TIMP3: variants seen among roughly 807,000 people sequenced by gnomAD.
TIMP3 encodes TIMP metallopeptidase inhibitor 3.
A neutral mutation model predicts 30.0 loss-of-function variants in TIMP3; 11 were observed. The observed-to-expected ratio is 0.37, with a 90% confidence interval of 0.23 to 0.61. The LOEUF (loss-of-function observed/expected upper bound fraction) is 0.61. Among genes scored for constraint, TIMP3 ranks in the 20% least tolerant of loss-of-function variants. TIMP3 has a pLI of 0.70. For synonymous variants in TIMP3, 112 were observed against 111.3 expected, an observed-to-expected ratio of 1.01 and a Z score of -0.04; for missense variants, 181 against 276.8, an observed-to-expected ratio of 0.65 and a Z score of 2.45.
intron 1 of TIMP3, among the ~76,000 whole-genome samples, chr22:32,817,061 T>TA (rs1569247404): frequency 5.3e-4 from 15 of 28,228 alleles, no homozygotes; most frequent in African/African-American, 1.4e-3. Context: ...CTCTACTAAT[T>TA]TAAAAAAAAA....
chr22:32,830,034 C>T (rs920439705), intron 1 of TIMP3, among the ~76,000 whole-genome samples: 11 of 152,206 alleles, frequency 7.2e-5, no homozygotes, highest in African/African-American at 1.9e-4. Context: ...TGACCTGAAA[C>T]TGAAATGCTC....
At chr22:32,808,972 G>A (rs1055288072) in intron 1 of TIMP3, among the ~76,000 whole-genome samples, 4 of 152,192 alleles carry the variant, frequency 2.6e-5, no homozygotes, top group Non-Finnish European at 5.9e-5. Flanking sequence ...GTCTAGTCCT[G>A]TCTTCTGGTG....
chr22:32,823,609 C>G (rs144953569), intron 1 of TIMP3, among the ~76,000 whole-genome samples: 135 of 152,266 alleles, frequency 8.9e-4, no homozygotes, highest in African/African-American at 3.1e-3. Context: ...GAAGCATTGC[C>G]AAGAGCAACT....
chr22:32,806,284 TA>T (rs1201206610), intron 1 of TIMP3, among the ~76,000 whole-genome samples: 4 of 152,158 alleles, frequency 2.6e-5, no homozygotes, highest in African/African-American at 9.7e-5. Context: ...TAGATAAGGC[TA>T]GAAAAGTGGC....
rs112472264 is a variant in TIMP3, at chr22:32,833,024, C to T, written c.122-16428C>T. On this transcript the variant is annotated intron_variant, in intron 1 of 4. Coordinates refer to ENST00000266085, the MANE Select transcript of TIMP3 (RefSeq NM_000362.5). ...CTGGGATTACAGGCGTGAGCCACCG[C>T]GCCCAGCAAGATCTACCTTCTTAAC... Among the ~76,000 whole-genome samples, 541 of 152,294 alleles carry T rather than the reference C, an allele frequency of 3.6e-3. 2 individuals are homozygous for T. Among genetic ancestry groups the T allele is most frequent in the African/African-American group, 0.012 (499 of 41,556 alleles).
Position 32,820,279 on chromosome 22 carries a change from TGTGTGTGTG to T in TIMP3, c.121+18175_121+18183del, listed in dbSNP as rs1231256527. Among the ~76,000 whole-genome samples the T allele has an allele frequency of 4.2e-4, 63 of 151,126 alleles. 1 individual carries two copies. Among genetic ancestry groups the T allele is most frequent in the South Asian group, 3.0e-3 (14 of 4,730 alleles). On this transcript the variant is annotated intron_variant, in intron 1 of 4. Coordinates refer to ENST00000266085, the MANE Select transcript of TIMP3 (RefSeq NM_000362.5). ...GTGTGTGTGCGTGCGCGTGTGTGTG[TGTGTGTGTG>T]GTGTGTGTGGTGTGTGTTCTACTCC...
At chr22:32,826,497 G>T (rs2146097936) in intron 1 of TIMP3, among the ~76,000 whole-genome samples, 1 of 152,234 alleles carries the variant, frequency 6.6e-6, no homozygotes, top group Admixed American at 6.5e-5. Flanking sequence ...AGAGCATGGA[G>T]AAAGTAGAAA....
chr22:32,802,703 G>A (rs2046623120), intron 1 of TIMP3, among the ~76,000 whole-genome samples: 1 of 152,160 alleles, frequency 6.6e-6, no homozygotes, highest in African/African-American at 2.4e-5. Flanking sequence ...ATTTAAGGGG[G>A]AAAATGAGGA....
At chr22:32,841,723 C>G (rs992312038) in intron 1 of TIMP3, among the ~76,000 whole-genome samples, 6 of 151,914 alleles carry the variant, frequency 3.9e-5, no homozygotes, top group Admixed American at 3.9e-4. Flanking sequence ...GGAAAAATAG[C>G]TAATGCACAC....
At chr22:32,828,646 C>G (rs563038652) in intron 1 of TIMP3, among the ~76,000 whole-genome samples, 1 of 152,312 alleles carries the variant, frequency 6.6e-6, no homozygotes, top group South Asian at 2.1e-4. Flanking sequence ...CTGATGCTAC[C>G]TCATGAGTTA....
intron 1 of TIMP3, among the ~76,000 whole-genome samples, chr22:32,817,692 T>C (rs139369735): frequency 9.8e-5 from 15 of 152,366 alleles, no homozygotes; most frequent in African/African-American, 3.6e-4. Flanking sequence ...TAATCTTGCT[T>C]GGCTCAGTTC....
Position 32,807,370 on chromosome 22 carries a change from TTA to T in TIMP3, c.121+5255_121+5256del, listed in dbSNP as rs1457828240. ...ATAAATATATAATATATAATATATA[TTA>T]TATATAATATATATTATATATAATA... On this transcript the variant is annotated intron_variant, in intron 1 of 4. Coordinates refer to ENST00000266085, the MANE Select transcript of TIMP3 (RefSeq NM_000362.5). Among the ~76,000 whole-genome samples the T allele has an allele frequency of 2.6e-5, 3 of 114,694 alleles. No individual in the cohort carries two copies. The East Asian group carries it at 6.5e-4, about 25-fold the overall frequency. The allele number at this position is 114,694 out of a possible 152,430, so 75.2% of individuals were successfully genotyped here. A position where few individuals can be genotyped will look rare whatever the true frequency, so the allele number is the denominator to read the frequency against.
At chr22:32,845,880 G>A (rs918948039) in intron 1 of TIMP3, among the ~76,000 whole-genome samples, 3 of 152,144 alleles carry the variant, frequency 2.0e-5, no homozygotes, top group Admixed American at 6.5e-5. Flanking sequence ...CGAATGCCTC[G>A]GGAGAACCCT....
At position 32,858,296 on chromosome 22, in the gene TIMP3, T is replaced by A. The variant is rs137485; in HGVS notation, c.438+158T>A. Among the ~76,000 whole-genome samples, 117,287 of 152,076 alleles carry A rather than the reference T, an allele frequency of 0.77. 45,720 individuals carry two copies. The highest frequency in any genetic ancestry group is 0.88 in the African/African-American group (36,345 of 41,526). ...CAGGTCTGAGCAGATATAGTAAGGA[T>A]TGTTGCCCCAGGTGGGGCAGTGAGG... is the stretch of plus-strand genomic sequence containing the variant. On this transcript the variant is annotated intron_variant, in intron 4 of 4. Transcript: ENST00000266085.
intron 1 of TIMP3, among the ~76,000 whole-genome samples, chr22:32,804,526 T>A (rs963041494): frequency 6.6e-6 from 1 of 152,156 alleles, no homozygotes; most frequent in Non-Finnish European, 1.5e-5. Flanking sequence ...ATCATGGTGG[T>A]TTTCTCTTCA....
chr22:32,838,192 C>G (rs743751), intron 1 of TIMP3, among the ~76,000 whole-genome samples: 15,900 of 152,232 alleles, frequency 0.1, 973 homozygotes, highest in African/African-American at 0.17. Flanking sequence ...CATAGTTCCT[C>G]AAATACTTCT....
intron 4 of TIMP3, among the ~76,000 whole-genome samples, chr22:32,858,419 C>T (rs2048438630): frequency 6.6e-6 from 1 of 152,116 alleles, no homozygotes; most frequent in African/African-American, 2.4e-5. Context: ...AGTCCCTGGC[C>T]CCACCTGGCA....
chr22:32,854,817 G>A (rs546246383), intron 2 of TIMP3, among the ~76,000 whole-genome samples: 2 of 152,298 alleles, frequency 1.3e-5, no homozygotes, highest in East Asian at 3.9e-4. Flanking sequence ...AGGTTCAGAA[G>A]GAAGACCATC....
At chr22:32,826,972 G>A (rs528114708) in intron 1 of TIMP3, among the ~76,000 whole-genome samples, 1 of 152,304 alleles carries the variant, frequency 6.6e-6, no homozygotes, top group African/African-American at 2.4e-5. Context: ...AACCCCAGCT[G>A]AAGGAAGCAA....
Sources: allele counts gnomAD v4.1 joint callset (sites outside exome capture counted in the v4.1 genomes callset), GRCh38; gene constraint gnomAD v4.1.1; transcripts MANE v1.5; gene names NCBI Gene and HGNC (gene_info 2026-07-23, HGNC 2026-07-21).